ANK2: variants seen among roughly 807,000 people sequenced by gnomAD.
ANK2 encodes the protein ankyrin 2.
A neutral mutation model predicts 360.5 loss-of-function variants in ANK2; 83 were observed. The observed-to-expected ratio is 0.23, with a 90% CI of 0.19 to 0.28. The LOEUF (loss-of-function observed/expected upper bound fraction) is 0.28. Ranked by LOEUF, ANK2 falls within the 10% of genes least tolerant of loss-of-function variation. The pLI is 1.00. For missense variants in ANK2, 4,201 were observed against 4,795.7 expected (o/e 0.88, Z 3.66); for synonymous variants, 1,740 against 1,759.5 (o/e 0.99, Z 0.28).
intron 1 of ANK2, chr4:112,826,425 G>A (rs2058420878): frequency 9.5e-7 from 1 of 1,051,076 alleles, no homozygotes; most frequent in African/African-American, 1.6e-5. Context: ...CCTACCAGCA[G>A]TAACTTTTGA....
At chr4:113,090,109 G>A (rs1166288526) in intron 1 of ANK2, among the ~76,000 whole-genome samples, 1 of 152,232 alleles carries the variant, frequency 6.6e-6, no homozygotes, top group South Asian at 2.1e-4. Flanking sequence ...CATATCTTGG[G>A]AATAGAATGG....
chr4:112,752,490 C>T, the ANK2 span, among the ~76,000 whole-genome samples: 1 of 152,014 alleles, frequency 6.6e-6, no homozygotes, highest in East Asian at 1.9e-4. Context: ...TGGCTCACTG[C>T]AGCCTTGATT....
At chr4:113,074,250 A>G (rs922942793) in intron 1 of ANK2, among the ~76,000 whole-genome samples, 5 of 152,152 alleles carry the variant, frequency 3.3e-5, no homozygotes, top group African/African-American at 9.7e-5. Context: ...TGTGTTCAAG[A>G]CCCTTATTAA....
the ANK2 span, among the ~76,000 whole-genome samples, chr4:112,728,653 G>A: frequency 6.6e-6 from 1 of 152,012 alleles, no homozygotes; most frequent in Non-Finnish European, 1.5e-5. Context: ...TCTGAAGGTT[G>A]AGGTGAGAGG....
chr4:112,850,032 C>T (rs1407994151), intron 1 of ANK2, among the ~76,000 whole-genome samples: 1 of 152,090 alleles, frequency 6.6e-6, no homozygotes, highest in Non-Finnish European at 1.5e-5. Flanking sequence ...ATCAGAGCTC[C>T]TGGTTCTTGG....
At chr4:113,039,227 T>G (rs1238042195) in intron 2 of ANK2, among the ~76,000 whole-genome samples, 1 of 151,542 alleles carries the variant, frequency 6.6e-6, no homozygotes, top group Non-Finnish European at 1.5e-5. Flanking sequence ...CATCTATTTT[T>G]TTTAATCATA....
At chr4:113,151,714 A>G (rs2097093200) in intron 1 of ANK2, among the ~76,000 whole-genome samples, 1 of 152,074 alleles carries the variant, frequency 6.6e-6, no homozygotes, top group Non-Finnish European at 1.5e-5. Flanking sequence ...ATTTTCTTGA[A>G]TTGTTATTCT....
In ANK2 at chr4:113,341,783, T is replaced by C; in HGVS notation, c.3989T>C (p.Phe1330Ser). 2 of 1,614,112 alleles carry C rather than the reference T, an allele frequency of 1.2e-6. No individual in the cohort carries two copies. Among genetic ancestry groups the C allele is most frequent in the Non-Finnish European group, 1.7e-6 (2 of 1,179,998 alleles). Residue 1330 changes from phenylalanine (F) to serine (S), a missense_variant, in exon 33 of 46, where the codon TTT becomes TCT. By Grantham distance (155) the Phe-to-Ser change is radical. Transcript: ENST00000357077. Reference sequence around the variant, plus strand: ...ATCTGCGTACCTTATATGGCCAAATTTGTAGTGTTTGCCAAATCACATGAC... The same window carrying C: ...ATCTGCGTACCTTATATGGCCAAATCTGTAGTGTTTGCCAAATCACATGAC... Reference protein sequence around the residue: ...EIICVPYMAKFVVFAKSHDPI... With the variant: ...EIICVPYMAKSVVFAKSHDPI...
At chr4:113,174,607 A>T (rs1309190564) in intron 2 of ANK2, 90 bp downstream of exon 2, 8 of 1,049,504 alleles carry the variant, frequency 7.6e-6, no homozygotes, top group East Asian at 2.8e-5. Context: ...CTTTATTAAA[A>T]ATACTAAAAT....
At chr4:113,102,814 T>C (rs1156702419) in intron 1 of ANK2, among the ~76,000 whole-genome samples, 1 of 152,148 alleles carries the variant, frequency 6.6e-6, no homozygotes, top group Non-Finnish European at 1.5e-5. Flanking sequence ...AATTTCTAGA[T>C]ATCCTCCTCT....
intron 1 of ANK2, among the ~76,000 whole-genome samples, chr4:112,850,305 T>C (rs2149940759): frequency 1.4e-5 from 2 of 138,452 alleles, no homozygotes; most frequent in African/African-American, 5.6e-5. Flanking sequence ...TCTATCTAAT[T>C]TGTTCATCCA....
At chr4:113,297,427 T>C (rs564467531) in intron 22 of ANK2, among the ~76,000 whole-genome samples, 8 of 152,200 alleles carry the variant, frequency 5.3e-5, no homozygotes, top group Non-Finnish European at 1.2e-4. Flanking sequence ...TTGTTAGGAC[T>C]TTAAAAAGAA....
chr4:113,324,774 T>A (rs954097810), intron 26 of ANK2, among the ~76,000 whole-genome samples: 1 of 152,214 alleles, frequency 6.6e-6, no homozygotes, highest in East Asian at 1.9e-4. Flanking sequence ...GCTATGTATA[T>A]GAGGATCACT....
intron 19 of ANK2, 64 bp from the exon 20 acceptor site, chr4:113,288,324 A>G (rs1051157256): frequency 8.2e-6 from 11 of 1,337,200 alleles, no homozygotes; most frequent in South Asian, 1.2e-5. Flanking sequence ...CCTCTGGGGT[A>G]TTAACCACTA....
At chr4:113,155,803 A>G (rs987030509) in intron 1 of ANK2, among the ~76,000 whole-genome samples, 2 of 152,216 alleles carry the variant, frequency 1.3e-5, no homozygotes, top group African/African-American at 4.8e-5. Flanking sequence ...AAAAGGACAA[A>G]AAGTGTGAAT....
chr4:113,163,996 C>T (rs2097661176), intron 1 of ANK2, among the ~76,000 whole-genome samples: 1 of 152,116 alleles, frequency 6.6e-6, no homozygotes, highest in South Asian at 2.1e-4. Flanking sequence ...CTTGTCCTCC[C>T]CATGGCATCC....
At chr4:112,802,982 A>T in the ANK2 span, among the ~76,000 whole-genome samples, 1 of 152,214 alleles carries the variant, frequency 6.6e-6, no homozygotes, top group African/African-American at 2.4e-5. Context: ...TGCAGTGGTT[A>T]TTTATAGCCT....
At chr4:113,248,460 G>A (rs183633591) in intron 9 of ANK2, among the ~76,000 whole-genome samples, 115 of 152,144 alleles carry the variant, frequency 7.6e-4, no homozygotes, top group African/African-American at 2.6e-3. Flanking sequence ...GAGGTCTCTC[G>A]AAGTCCTTTT....
Position 112,876,484 on chromosome 4 carries a change from A to T in ANK2, c.-39-27971A>T, listed in dbSNP as rs191875014. Among the ~76,000 whole-genome samples the T allele has an allele frequency of 3.9e-5, 6 of 152,246 alleles. No homozygotes were observed. The East Asian group carries it at 1.2e-3, about 29-fold the overall frequency. On this transcript the variant is annotated intron_variant, in intron 1 of 30. Coordinates refer to the ANK2 transcript ENST00000503271. ...AAACTGCGGGGATGGAAAAAGCAAA[A>T]AAAAAGAAGTATGTGTGGAATGTAG...
Sources: gnomAD v4.1 joint callset for allele counts (sites outside exome capture counted in the v4.1 genomes callset) on GRCh38, gnomAD v4.1.1 for gene constraint, MANE v1.5 for transcripts, NCBI Gene and HGNC (gene_info 2026-07-23, HGNC 2026-07-21) for gene names.